The following ZNF717 variants were observed in gnomAD, a reference collection of about 807,000 sequenced individuals.
ZNF717 encodes the protein krueppel-like factor X17.
Under a neutral mutation model 13.8 loss-of-function variants are expected in ZNF717, and 9 were observed. The observed-to-expected ratio is 0.65, with a 90% CI of 0.39 to 1.14. The LOEUF (loss-of-function observed/expected upper bound fraction) is 1.14. Ranked by LOEUF, ZNF717 falls within the 50% of genes most tolerant of loss-of-function variation. ZNF717 has a pLI of 0.01. For synonymous variants in ZNF717, 327 were observed against 364.1 expected, an observed-to-expected ratio of 0.90 and a Z score of 1.16; for missense variants, 1,040 against 1,080.7, an observed-to-expected ratio of 0.96 and a Z score of 0.53.
chr3:75,705,758 G>T (rs62247285), downstream of ZNF717, among the ~76,000 whole-genome samples: 2 of 152,288 alleles, frequency 1.3e-5, no homozygotes, highest in Admixed American at 6.5e-5. Context: ...TAGGGACACT[G>T]TATAGGTATA....
downstream of ZNF717, chr3:75,729,903 A>G (rs1938423232): frequency 6.6e-6 from 1 of 152,272 alleles, no homozygotes; most frequent in African/African-American, 2.4e-5. Flanking sequence ...AAGACCAAAT[A>G]CAATGTGGAT....
downstream of ZNF717, among the ~76,000 whole-genome samples, chr3:75,727,621 G>A (rs1453938859): frequency 6.6e-6 from 1 of 152,210 alleles, no homozygotes; most frequent in Non-Finnish European, 1.5e-5. Flanking sequence ...GCTAGGATTG[G>A]GAAATTCCAG....
chr3:75,773,469 C>A (rs1253609970), intron 2 of ZNF717, among the ~76,000 whole-genome samples: 2 of 152,178 alleles, frequency 1.3e-5, no homozygotes, highest in Non-Finnish European at 2.9e-5. Context: ...TATGCAGAAG[C>A]TTCTAAAAAG....
chr3:75,730,730 G>A (rs1361800260), intron 5 of ZNF717: 13 of 633,890 alleles, frequency 2.1e-5, no homozygotes, highest in Non-Finnish European at 3.1e-5. Context: ...AGAATCCACA[G>A]AAATACTAAT....
chr3:75,706,963 T>C (rs1937815213), downstream of ZNF717, among the ~76,000 whole-genome samples: 3 of 152,380 alleles, frequency 2.0e-5, no homozygotes, highest in South Asian at 2.1e-4. Context: ...GACCTCTTAC[T>C]GGGGAGAGGT....
intron 2 of ZNF717, among the ~76,000 whole-genome samples, chr3:75,776,415 T>C (rs1343519139): frequency 6.6e-6 from 1 of 152,282 alleles, no homozygotes; most frequent in East Asian, 1.9e-4. Flanking sequence ...TTTCAGTGCA[T>C]GTTTTCTGAT....
chr3:75,718,307 G>A (rs1938097908), intron 4 of ZNF717, among the ~76,000 whole-genome samples: 1 of 152,098 alleles, frequency 6.6e-6, no homozygotes, highest in Admixed American at 6.6e-5. Flanking sequence ...TTGGATGTGG[G>A]GCTGGAGGAA....
intron 2 of ZNF717, among the ~76,000 whole-genome samples, chr3:75,778,503 G>A (rs1292263482): frequency 1.7e-5 from 2 of 117,520 alleles, no homozygotes; most frequent in South Asian, 3.0e-4. Flanking sequence ...AAACCGGAAC[G>A]CAAAACAATG....
chr3:75,783,184 T>C, intron 2 of ZNF717, 122 bp downstream of exon 2: 1 of 764,536 alleles, frequency 1.3e-6, no homozygotes, highest in Non-Finnish European at 2.2e-6. Flanking sequence ...CTTTATCTTA[T>C]TTATGTATAT....
In ZNF717 at chr3:75,781,449, T is replaced by G. The variant is rs144734633; in HGVS notation, c.57+1857A>C. ...TGAATCGTTTATTGCTCAACTAAAC[T>G]CCTTTAAAGTTTTTCTTTTAACAGA... On this transcript the variant is annotated intron_variant, in intron 2 of 4. Coordinates refer to ENST00000652011, the MANE Select transcript of ZNF717 (RefSeq NM_001290208.3). 5.5e-3 allele frequency among the ~76,000 whole-genome samples: 837 copies of G among 152,300 alleles called. 7 individuals are homozygous for G. Among genetic ancestry groups the G allele is most frequent in the African/African-American group, 0.02 (817 of 41,564 alleles).
chr3:75,758,904 G>A (rs1207868524), intron 2 of ZNF717, among the ~76,000 whole-genome samples: 1 of 152,200 alleles, frequency 6.6e-6, no homozygotes. Context: ...TCAGGAGTCT[G>A]AGGTGGGGGT....
chr3:75,783,375 A>C lies in ZNF717; in HGVS notation c.-2-11T>G, dbSNP rs1311422633. On this transcript the variant is annotated splice_polypyrimidine_tract_variant and intron_variant, in intron 1 of 4. Transcript: ENST00000652011. ...ACACTGGAAACATAGCTGAGAGAGA[A>C]GGCAAATGACGTGAATTAAGGAGAG... The C allele has an allele frequency of 4.5e-6, 7 of 1,550,370 alleles. No individual in the cohort carries two copies. Among genetic ancestry groups the C allele is most frequent in the Non-Finnish European group, 6.1e-6 (7 of 1,145,882 alleles).
chr3:75,770,041 G>A (rs1345251218), intron 2 of ZNF717, among the ~76,000 whole-genome samples: 3 of 152,164 alleles, frequency 2.0e-5, no homozygotes, highest in Middle Eastern at 3.4e-3. Flanking sequence ...CTTGTCAAAC[G>A]TGTCCCACTA....
chr3:75,723,336 G>A (rs1938206419), intron 4 of ZNF717, among the ~76,000 whole-genome samples: 1 of 122,664 alleles, frequency 8.2e-6, no homozygotes, highest in Admixed American at 1.0e-4. Flanking sequence ...TGCAACCTCT[G>A]CCTTCCAGGG....
chr3:75,721,134 GA>G (rs1423635449), intron 4 of ZNF717, among the ~76,000 whole-genome samples: 1 of 151,954 alleles, frequency 6.6e-6, no homozygotes, highest in African/African-American at 2.4e-5. Context: ...TTAATTGAAG[GA>G]AAAACTACTT....
intron 6 of ZNF717, among the ~76,000 whole-genome samples, chr3:75,694,990 T>C (rs1436114324): frequency 1.3e-5 from 2 of 152,138 alleles, no homozygotes; most frequent in Non-Finnish European, 2.9e-5. Context: ...TGCTTATCAA[T>C]AATAACACTG....
At chr3:75,777,061 T>A (rs1264625951) in intron 2 of ZNF717, among the ~76,000 whole-genome samples, 5 of 152,248 alleles carry the variant, frequency 3.3e-5, no homozygotes, top group Non-Finnish European at 1.5e-5. Context: ...TGCACTGTAC[T>A]TCCTCAAATG....
intron 4 of ZNF717, among the ~76,000 whole-genome samples, chr3:75,720,864 T>A (rs1199207329): frequency 2.6e-5 from 4 of 152,142 alleles, no homozygotes; most frequent in Non-Finnish European, 5.9e-5. Context: ...TAAAAAGCAA[T>A]CGCCTTTCTT....
chr3:75,745,337 A>G (rs1331794215), intron 2 of ZNF717, among the ~76,000 whole-genome samples: 1 of 152,062 alleles, frequency 6.6e-6, no homozygotes, highest in Non-Finnish European at 1.5e-5. Flanking sequence ...GTGTCCTGGA[A>G]TCCTATCTGA....
Sources: gnomAD v4.1 joint callset for allele counts (sites outside exome capture counted in the v4.1 genomes callset) on GRCh38, gnomAD v4.1.1 for gene constraint, MANE v1.5 for transcripts, NCBI Gene and HGNC (gene_info 2026-07-23, HGNC 2026-07-21) for gene names.